Variants in RYR3 observed in about 807,000 individuals in gnomAD.
RYR3 encodes ryanodine receptor 3.
RYR3 carries 207 observed loss-of-function variants against 584.3 expected under a neutral mutation model. That is an observed-to-expected ratio of 0.35 (90% CI 0.32 to 0.40). RYR3 has a LOEUF of 0.40. Among genes scored for constraint, RYR3 ranks in the 10% least tolerant of loss-of-function variants. The probability of loss-of-function intolerance (pLI) is 1.00; values close to 1 mark genes in which losing one functional copy is unlikely to be tolerated. For synonymous variants in RYR3, 2,416 were observed against 2,248.5 expected, an observed-to-expected ratio of 1.07 and a Z score of -2.11; for missense variants, 5,616 against 6,089.2, an observed-to-expected ratio of 0.92 and a Z score of 2.59.
chr15:33,613,707 C>G (rs1434785801), intron 19 of RYR3, among the ~76,000 whole-genome samples: 1 of 152,164 alleles, frequency 6.6e-6, no homozygotes, highest in Admixed American at 6.5e-5. Context: ...GTAAAAATCA[C>G]CTATGATTCC....
intron 1 of RYR3, among the ~76,000 whole-genome samples, chr15:33,349,591 A>T (rs1972937691): frequency 6.0e-5 from 8 of 133,770 alleles, no homozygotes; most frequent in South Asian, 5.2e-4. Context: ...TTTTTTCTTC[A>T]GATTTTTTTT....
In RYR3 at chr15:33,803,730, G is replaced by C. The variant is rs1425985799; in HGVS notation, c.10011+1769G>C. Among the ~76,000 whole-genome samples the C allele has an allele frequency of 2.0e-5, 3 of 152,152 alleles. No individual in the cohort carries two copies. In the East Asian group the frequency reaches 5.8e-4, roughly 29 times the overall value. On this transcript the variant is annotated intron_variant, in intron 69 of 103. Coordinates refer to ENST00000634891, the MANE Select transcript of RYR3 (RefSeq NM_001036.6). ...GAGTTTCGCCATGTTGGCCAGGCTG[G>C]TCTCGAACTCCTGACCTCAAGTGAT...
intron 87 of RYR3, among the ~76,000 whole-genome samples, chr15:33,835,762 C>T (rs1432263468): frequency 1.3e-5 from 2 of 152,162 alleles, no homozygotes; most frequent in Non-Finnish European, 2.9e-5. Context: ...CATTTTTCCC[C>T]TTTTGACTCT....
At chr15:33,850,986 T>C (rs1415943898) in intron 94 of RYR3, 3 of 152,270 alleles carry the variant, frequency 2.0e-5, no homozygotes, top group African/African-American at 7.2e-5. Flanking sequence ...GAACTTAATA[T>C]AAGTGGAATT....
At chr15:33,693,683 C>T (rs1170387694) in intron 38 of RYR3, among the ~76,000 whole-genome samples, 1 of 152,208 alleles carries the variant, frequency 6.6e-6, no homozygotes, top group Non-Finnish European at 1.5e-5. Flanking sequence ...AGGAGGAGCC[C>T]TCCCAAGGGC....
Position 33,660,297 on chromosome 15 carries a change from T to C in RYR3, c.4496T>C (p.Leu1499Pro). 1 of 1,572,160 alleles carries C rather than the reference T, an allele frequency of 6.4e-7. No homozygotes were observed. Among genetic ancestry groups the C allele is most frequent in the Non-Finnish European group, 8.6e-7 (1 of 1,158,884 alleles). ...GACGTCCAAACCATCCAGCCCGTGC[T>C]CTGGAGCCGCATGCCCAACAGCTTC... The part of the protein sequence containing the change: ...RLDVQTIQPV[L>P]WSRMPNSFLK... The change falls in exon 34 of 104, where the codon CTC (leucine) becomes CCC (proline). Residue 1499 changes from leucine to proline, a missense_variant. Around this residue, in one of 9 missense-constraint regions of RYR3, gnomAD observed 753 missense variants for 741.0 expected, o/e 1.02. Coordinates refer to ENST00000634891, the MANE Select transcript of RYR3 (RefSeq NM_001036.6).
At chr15:33,492,691 C>T (rs1024856915) in intron 2 of RYR3, among the ~76,000 whole-genome samples, 2 of 152,148 alleles carry the variant, frequency 1.3e-5, no homozygotes, top group African/African-American at 2.4e-5. Context: ...GGACCCAGTA[C>T]GCTAGAGGTG....
intron 100 of RYR3, 120 bp downstream of exon 100, chr15:33,859,851 G>C: frequency 8.9e-7 from 1 of 1,128,068 alleles, no homozygotes; most frequent in Non-Finnish European, 1.2e-6. Context: ...TGTTAATTTA[G>C]CAAGAACTAA....
intron 64 of RYR3, among the ~76,000 whole-genome samples, 162 bp from the exon 65 acceptor site, chr15:33,780,049 G>T (rs577518038): frequency 6.6e-6 from 1 of 152,234 alleles, no homozygotes; most frequent in East Asian, 1.9e-4. Flanking sequence ...GAGAGCATTG[G>T]TTAGTGTCTA....
chr15:33,503,123 A>T (rs538341287), intron 2 of RYR3, among the ~76,000 whole-genome samples: 1 of 152,204 alleles, frequency 6.6e-6, no homozygotes, highest in African/African-American at 2.4e-5. Context: ...TGATTATGCT[A>T]TATTTATATA....
In RYR3 at chr15:33,844,842, G is replaced by A. The variant is rs139805574; in HGVS notation, c.13297-20G>A. 7.3e-4 allele frequency: 1,172 copies of A among 1,607,670 alleles called. 8 individuals carry two copies. In the African/African-American group the frequency reaches 0.014, roughly 19 times the overall value. ...AGGTTCTTTTTGATGTTTAATAAGC[G>A]AGTGTGTATTTTGAGCCAGGTCACT... On this transcript the variant is annotated intron_variant, in intron 92 of 103. Coordinates refer to ENST00000634891, the MANE Select transcript of RYR3 (RefSeq NM_001036.6).
At chr15:33,327,773 A>G (rs1474449312) in intron 1 of RYR3, among the ~76,000 whole-genome samples, 1 of 150,792 alleles carries the variant, frequency 6.6e-6, no homozygotes, top group African/African-American at 2.4e-5. Flanking sequence ...TTCCTTTATC[A>G]GTGCTTATAT....
intron 1 of RYR3, among the ~76,000 whole-genome samples, chr15:33,381,858 C>T (rs928080198): frequency 3.9e-5 from 6 of 152,182 alleles, no homozygotes; most frequent in Non-Finnish European, 7.4e-5. Context: ...CATTCAGACT[C>T]GCCCCATCTT....
chr15:33,748,177 A>C lies in RYR3; in HGVS notation c.8053A>C (p.Thr2685Pro), dbSNP rs1438535288. ...GAAAACCATGCTGGCTGTGGGCTGG[A>C]CTGTGGAGAGGACCAAAGAGGGAGA... The part of the protein sequence containing the change: ...SLKTMLAVGW[T>P]VERTKEGEAL... Residue 2685 changes from threonine (T) to proline (P), a missense_variant, in exon 54 of 104, where the codon ACT (threonine) becomes CCT (proline). Around this residue, in one of 9 missense-constraint regions of RYR3, gnomAD observed 1,280 missense variants for 1,426.2 expected, o/e 0.90. Transcript: ENST00000634891. 6.2e-7 allele frequency: 1 copy of C among 1,613,830 alleles called. No homozygotes were observed. Among genetic ancestry groups the C allele is most frequent in the South Asian group, 1.1e-5 (1 of 91,080 alleles).
chr15:33,511,231 A>T (rs1399543021), intron 3 of RYR3, among the ~76,000 whole-genome samples: 1 of 152,064 alleles, frequency 6.6e-6, no homozygotes. Flanking sequence ...TACTAGAGAA[A>T]AACAGGAAAA....
chr15:33,500,561 G>A (rs1482502826), intron 2 of RYR3, among the ~76,000 whole-genome samples: 2 of 152,160 alleles, frequency 1.3e-5, no homozygotes, highest in Admixed American at 6.5e-5. Flanking sequence ...TGGAAATGTA[G>A]TGCTTCTCTA....
intron 70 of RYR3, among the ~76,000 whole-genome samples, chr15:33,808,631 G>A (rs963306227): frequency 6.6e-6 from 1 of 152,028 alleles, no homozygotes; most frequent in East Asian, 1.9e-4. Context: ...GGGTAATTTC[G>A]ACTATAAATG....
rs577485019 is a variant in RYR3, at chr15:33,857,681, G to C, written c.14008-99G>C. 1.1e-3 allele frequency: 1,591 copies of C among 1,475,830 alleles called. 4 individuals carry two copies. The highest frequency in any genetic ancestry group is 1.3e-3 in the Non-Finnish European group (1,403 of 1,079,804). 91.4% of individuals were successfully genotyped at this position (1,475,830 alleles called of 1,614,324 possible). On this transcript the variant is annotated intron_variant, in intron 98 of 103. Coordinates refer to ENST00000634891, the MANE Select transcript of RYR3 (RefSeq NM_001036.6). ...CCTTCCCCATTTCCTCTCCTTGCCC[G>C]TCCTCACTCTTCCTCCTCGTTTTCT...
chr15:33,839,074 T>A, intron 89 of RYR3, 116 bp downstream of exon 89: 1 of 1,281,902 alleles, frequency 7.8e-7, no homozygotes, highest in Non-Finnish European at 1.1e-6. Flanking sequence ...TGTTAGACAG[T>A]GGCTGTGGTG....
Sources: allele counts gnomAD v4.1 joint callset (sites outside exome capture counted in the v4.1 genomes callset), GRCh38; gene constraint gnomAD v4.1.1; regional missense constraint gnomAD v4.1.1; transcripts MANE v1.5; gene names NCBI Gene and HGNC (gene_info 2026-07-23, HGNC 2026-07-21).